Variants in CDH4 observed in about 807,000 individuals in gnomAD.
CDH4 encodes the protein cadherin 4, also known as cadherin-4.
In CDH4, 33 loss-of-function variants were observed where a neutral mutation model predicts 86.0. The observed-to-expected ratio is 0.38, with a 90% CI of 0.29 to 0.51. CDH4 has a LOEUF of 0.51. Ranked by LOEUF, CDH4 falls within the 20% of genes least tolerant of loss-of-function variation. The probability of loss-of-function intolerance (pLI) is 0.86; values close to 1 mark genes in which losing one functional copy is unlikely to be tolerated. For synonymous variants in CDH4, 555 were observed against 549.4 expected, an observed-to-expected ratio of 1.01 and a Z score of -0.14; for missense variants, 1,114 against 1,307.4, an observed-to-expected ratio of 0.85 and a Z score of 2.28.
intron 2 of CDH4, among the ~76,000 whole-genome samples, chr20:61,642,003 C>A (rs2087014862): frequency 9.0e-5 from 1 of 11,146 alleles, no homozygotes; most frequent in Admixed American, 7.8e-4. Flanking sequence ...GGCTGCCTGA[C>A]CCACCAGGCA....
intron 2 of CDH4, among the ~76,000 whole-genome samples, chr20:61,539,115 G>A (rs1330082689): frequency 3.9e-5 from 6 of 152,168 alleles, no homozygotes; most frequent in African/African-American, 7.2e-5. Context: ...TACTCCACAC[G>A]CTCTGCTGCT....
At chr20:61,306,877 G>A (rs6101305) in intron 2 of CDH4, among the ~76,000 whole-genome samples, 2,106 of 152,178 alleles carry the variant, frequency 0.014, 57 homozygotes, top group African/African-American at 0.048. Flanking sequence ...TCACCTGTAC[G>A]CCTGGCTTCT....
chr20:61,616,540 ACT>A (rs1228473567), intron 2 of CDH4, among the ~76,000 whole-genome samples: 5 of 151,650 alleles, frequency 3.3e-5, no homozygotes, highest in African/African-American at 1.2e-4. Context: ...AAATAATAGA[ACT>A]CTCTCCTGCT....
intron 2 of CDH4, among the ~76,000 whole-genome samples, chr20:61,466,425 A>G (rs1201764573): frequency 6.6e-6 from 1 of 152,208 alleles, no homozygotes; most frequent in Admixed American, 6.5e-5. Flanking sequence ...GCATCATATG[A>G]CTAAAAGAAG....
chr20:61,399,284 C>T (rs1239385124), intron 2 of CDH4, among the ~76,000 whole-genome samples: 1 of 108,622 alleles, frequency 9.2e-6, no homozygotes, highest in Non-Finnish European at 1.8e-5. Flanking sequence ...AGGCGCCCGC[C>T]ACCATGCCCG....
intron 9 of CDH4, 31 bp downstream of exon 9, chr20:61,910,638 C>T (rs767734432): frequency 1.3e-6 from 2 of 1,597,262 alleles, no homozygotes; most frequent in East Asian, 2.2e-5. Flanking sequence ...CTGCCAGGCA[C>T]CCCAAGTTCT....
At chr20:61,770,710 C>T (rs902279280) in intron 3 of CDH4, among the ~76,000 whole-genome samples, 1 of 152,004 alleles carries the variant, frequency 6.6e-6, no homozygotes, top group Non-Finnish European at 1.5e-5. Context: ...GGTAAAACCC[C>T]GTCTCTACTA....
chr20:61,912,527 A>G (rs1009089382), intron 9 of CDH4, among the ~76,000 whole-genome samples: 3 of 152,264 alleles, frequency 2.0e-5, no homozygotes, highest in Non-Finnish European at 4.4e-5. Flanking sequence ...GAACTTCCGT[A>G]TACCCATCAC....
intron 2 of CDH4, among the ~76,000 whole-genome samples, chr20:61,565,063 TGGTGG>T (rs2086254924): frequency 1.6e-5 from 1 of 64,384 alleles, no homozygotes; most frequent in Non-Finnish European, 2.6e-5. Flanking sequence ...GTGGTGCTCT[TGGTGG>T]TGGTGGTGGT....
chr20:61,469,873 T>C (rs2085492722), intron 2 of CDH4, among the ~76,000 whole-genome samples: 1 of 152,180 alleles, frequency 6.6e-6, no homozygotes, highest in African/African-American at 2.4e-5. Flanking sequence ...TCACTGAAGG[T>C]ATGTGGATTT....
At chr20:61,276,121 T>C (rs1046245084) in intron 2 of CDH4, among the ~76,000 whole-genome samples, 6 of 152,234 alleles carry the variant, frequency 3.9e-5, no homozygotes. Flanking sequence ...TGCTTTACAA[T>C]GTTTAAGTGA....
chr20:61,802,755 C>T (rs539777402), intron 4 of CDH4, among the ~76,000 whole-genome samples: 3 of 152,300 alleles, frequency 2.0e-5, no homozygotes, highest in East Asian at 1.9e-4. Context: ...TGGGCCTAGA[C>T]GGGGCGATGC....
chr20:61,739,026 G>A (rs1379377795), intron 2 of CDH4: 24 of 152,486 alleles, frequency 1.6e-4, no homozygotes, highest in Non-Finnish European at 2.9e-5. Flanking sequence ...CATTGTAGGT[G>A]TTTGCTGGTA....
intron 2 of CDH4, among the ~76,000 whole-genome samples, chr20:61,590,878 G>GGT (rs1568700954): frequency 5.0e-5 from 3 of 59,884 alleles, no homozygotes; most frequent in Non-Finnish European, 7.1e-5. Flanking sequence ...TAAATCTATG[G>GGT]GGGGGGGGGT....
rs2087858300 is a variant in CDH4 at position 61,708,620 on chromosome 20, C to T, written c.170-34943C>T. ...GCCCCTTGTAGACCCTCTCCACCCT[C>T]CTGTGCCTGGAGCCCCTCCCAGACG... On this transcript the variant is annotated intron_variant, in intron 2 of 15. Transcript: ENST00000614565. This position sits in a 1 kb window ranked among gnomAD's most constrained non-coding sequence, Gnocchi z 4.5. Among the ~76,000 whole-genome samples, 1 of 152,174 alleles carries T rather than the reference C, an allele frequency of 6.6e-6. No homozygotes were observed. Among genetic ancestry groups the T allele is most frequent in the Non-Finnish European group, 1.5e-5 (1 of 68,032 alleles).
chr20:61,399,555 C>A (rs1316928068), intron 2 of CDH4, among the ~76,000 whole-genome samples: 1 of 152,222 alleles, frequency 6.6e-6, no homozygotes, highest in Non-Finnish European at 1.5e-5. Context: ...CCAGGCCTGG[C>A]TCAGCCTTTG....
intron 2 of CDH4, among the ~76,000 whole-genome samples, chr20:61,391,719 G>C (rs2084987308): frequency 6.6e-6 from 1 of 152,194 alleles, no homozygotes; most frequent in Non-Finnish European, 1.5e-5. Context: ...TAGAAAAGCG[G>C]AGAACCAGTG....
chr20:61,488,408 G>A (rs553243176), intron 2 of CDH4, among the ~76,000 whole-genome samples: 14 of 152,232 alleles, frequency 9.2e-5, no homozygotes, highest in South Asian at 8.3e-4. Context: ...GAGTTCACAC[G>A]GGTCCCCTGT....
intron 4 of CDH4, among the ~76,000 whole-genome samples, chr20:61,813,583 G>C (rs1980551002): frequency 6.6e-6 from 1 of 152,226 alleles, no homozygotes; most frequent in African/African-American, 2.4e-5. Context: ...CCAGCTTCTG[G>C]GGCTGGGCCT....
Sources: allele counts gnomAD v4.1 joint callset (sites outside exome capture counted in the v4.1 genomes callset), GRCh38; gene constraint gnomAD v4.1.1; non-coding constraint Gnocchi (gnomAD v3.1); transcripts MANE v1.5; gene names NCBI Gene and HGNC (gene_info 2026-07-23, HGNC 2026-07-21).